Variants in LIPA observed in about 807,000 individuals in gnomAD.
LIPA encodes lysosomal acid lipase/cholesteryl ester hydrolase.
Under a neutral mutation model 40.6 loss-of-function variants are expected in LIPA, and 26 were observed. That is an observed-to-expected ratio of 0.64 (90% confidence interval 0.47 to 0.89). The LOEUF (loss-of-function observed/expected upper bound fraction) is 0.89. Ranked by LOEUF, LIPA falls within the 40% of genes least tolerant of loss-of-function variation. The pLI is 0.00. For synonymous variants in LIPA, 188 were observed against 168.4 expected (o/e 1.12, Z -0.90); for missense variants, 455 against 479.6 (o/e 0.95, Z 0.48).
chr10:89,316,424 G>T (rs1473901831), intron 1 of LIPA, among the ~76,000 whole-genome samples: 1 of 152,242 alleles, frequency 6.6e-6, no homozygotes, highest in Admixed American at 6.5e-5. Context: ...ATTATATCCT[G>T]CTCCTGGCTC....
At chr10:89,301,019 A>C (rs572968131) in intron 1 of LIPA, among the ~76,000 whole-genome samples, 1 of 152,334 alleles carries the variant, frequency 6.6e-6, no homozygotes, top group East Asian at 1.9e-4. Flanking sequence ...ATTATAATAG[A>C]AACTAGCATT....
chr10:89,403,039 G>A (rs1028095621), intron 2 of LIPA: 7 of 1,614,180 alleles, frequency 4.3e-6, no homozygotes, highest in Non-Finnish European at 5.9e-6. Flanking sequence ...TATGTCTTTC[G>A]ATATGCAGCC....
At chr10:89,349,622 A>C (rs1843945938) in intron 2 of LIPA, among the ~76,000 whole-genome samples, 1 of 152,186 alleles carries the variant, frequency 6.6e-6, no homozygotes, top group South Asian at 2.1e-4. Context: ...GGAAAGTTGA[A>C]AAGAGCAAGT....
chr10:89,401,685 G>A (rs1844425956), intron 2 of LIPA, among the ~76,000 whole-genome samples: 1 of 151,572 alleles, frequency 6.6e-6, no homozygotes, highest in African/African-American at 2.4e-5. Flanking sequence ...TTATAGTTGT[G>A]TAAGATATAA....
At chr10:89,371,859 G>A (rs1334584090) in intron 2 of LIPA, among the ~76,000 whole-genome samples, 4 of 152,172 alleles carry the variant, frequency 2.6e-5, no homozygotes, top group African/African-American at 4.8e-5. Context: ...AATTTTGGTT[G>A]CATGAATACT....
intron 2 of LIPA, among the ~76,000 whole-genome samples, chr10:89,407,826 T>C (rs977637040): frequency 6.6e-6 from 1 of 152,096 alleles, no homozygotes; most frequent in Admixed American, 6.6e-5. Context: ...AGGGTGCAGG[T>C]TTTCGAGAAT....
chr10:89,250,898 C>G (rs1256722307), intron 1 of LIPA, among the ~76,000 whole-genome samples: 2 of 152,164 alleles, frequency 1.3e-5, no homozygotes, highest in African/African-American at 4.8e-5. Context: ...CTTTTCTGGG[C>G]TGTATTAACA....
At chr10:89,223,581 A>C in intron 7 of LIPA, 103 bp downstream of exon 7, 1 of 982,334 alleles carries the variant, frequency 1.0e-6, no homozygotes, top group South Asian at 1.3e-5. Flanking sequence ...AAGACTCTTT[A>C]GAGTTCTGAT....
At chr10:89,384,605 A>G in intron 2 of LIPA, 1 of 1,614,212 alleles carries the variant, frequency 6.2e-7, no homozygotes, top group Non-Finnish European at 8.5e-7. Flanking sequence ...AGATGTATTC[A>G]CCAGAATGTA....
intron 1 of LIPA, among the ~76,000 whole-genome samples, chr10:89,267,286 G>A (rs989509769): frequency 6.6e-6 from 1 of 152,158 alleles, no homozygotes; most frequent in African/African-American, 2.4e-5. Context: ...GGTAGTAGCA[G>A]TTCAGCTGTT....
chr10:89,361,163 T>A (rs1844019478), intron 2 of LIPA, among the ~76,000 whole-genome samples: 1 of 152,162 alleles, frequency 6.6e-6, no homozygotes, highest in Admixed American at 6.5e-5. Context: ...ATCTTTTTGG[T>A]GGACACAATT....
rs774870140 is a variant in LIPA, at chr10:89,306,563, C to T, written c.-2+36048G>A. 38 of 1,613,980 alleles carry T rather than the reference C, an allele frequency of 2.4e-5. No homozygotes were observed. The highest frequency in any genetic ancestry group is 1.6e-4 in the Middle Eastern group (1 of 6,084). On this transcript the variant is annotated intron_variant, in intron 1 of 5. Transcript: ENST00000282673. Reference sequence around the variant, plus strand: ...CATTGACCCTCTGAGGCAAGCCATTCGGCTGAATCCTGACAACCAGTACCT... The same window carrying T: ...CATTGACCCTCTGAGGCAAGCCATTTGGCTGAATCCTGACAACCAGTACCT...
intron 2 of LIPA, chr10:89,383,771 G>A: frequency 6.2e-7 from 1 of 1,614,188 alleles, no homozygotes; most frequent in Non-Finnish European, 8.5e-7. Context: ...GCGAAGTGTG[G>A]TGGAAAGAAT....
At chr10:89,306,814 A>G (rs1843483566) in intron 1 of LIPA, 1 of 1,614,018 alleles carries the variant, frequency 6.2e-7, no homozygotes, top group South Asian at 1.1e-5. Context: ...TGCATTGCCA[A>G]ATTGGGTGCT....
At chr10:89,318,599 C>G (rs936356179) in intron 1 of LIPA, among the ~76,000 whole-genome samples, 1 of 152,154 alleles carries the variant, frequency 6.6e-6, no homozygotes, top group Non-Finnish European at 1.5e-5. Context: ...TGTAGACTCC[C>G]AAACAATAAT....
intron 1 of LIPA, among the ~76,000 whole-genome samples, chr10:89,261,160 A>T (rs970754469): frequency 6.6e-6 from 1 of 152,198 alleles, no homozygotes; most frequent in Non-Finnish European, 1.5e-5. Context: ...CTCCTACATA[A>T]ATGTGAGTAA....
At chr10:89,280,630 C>T (rs557528134) in intron 1 of LIPA, among the ~76,000 whole-genome samples, 53 of 152,328 alleles carry the variant, frequency 3.5e-4, no homozygotes, top group African/African-American at 1.2e-3. Flanking sequence ...CATGTTGGTT[C>T]TGCTGATTTC....
chr10:89,286,920 C>T (rs555002280), intron 1 of LIPA, among the ~76,000 whole-genome samples: 3 of 152,296 alleles, frequency 2.0e-5, no homozygotes, highest in South Asian at 4.2e-4. Context: ...ATGCCTAAGC[C>T]GCAGCAGTCA....
chr10:89,338,566 C>T, intron 1 of LIPA: 1 of 1,199,012 alleles, frequency 8.3e-7, no homozygotes, highest in Non-Finnish European at 1.2e-6. Flanking sequence ...TCTGGGCATC[C>T]TGTGGCCCAG....
Sources: gnomAD v4.1 joint callset for allele counts (sites outside exome capture counted in the v4.1 genomes callset) on GRCh38, gnomAD v4.1.1 for gene constraint, MANE v1.5 for transcripts, NCBI Gene and HGNC (gene_info 2026-07-23, HGNC 2026-07-21) for gene names.